Variants in MTUS2 observed in about 807,000 individuals in gnomAD.
MTUS2 encodes the protein microtubule-associated tumor suppressor candidate 2.
In MTUS2, 40 loss-of-function variants were observed where a neutral mutation model predicts 114.1. The observed-to-expected ratio is 0.35, with a 90% CI of 0.27 to 0.46. The LOEUF is 0.46. Ranked by LOEUF, MTUS2 falls within the 20% of genes least tolerant of loss-of-function variation. The pLI is 1.00. For synonymous variants in MTUS2, 688 were observed against 672.0 expected (o/e 1.02, Z -0.37); for missense variants, 1,679 against 1,705.4 (o/e 0.98, Z 0.27).
At chr13:28,842,160 C>T (rs1875552826) in intron 2 of MTUS2, among the ~76,000 whole-genome samples, 1 of 152,026 alleles carries the variant, frequency 6.6e-6, no homozygotes, top group Non-Finnish European at 1.5e-5. Flanking sequence ...AACGACCTCT[C>T]CTCTGCTCCC....
At chr13:29,233,517 G>A (rs149236612) in intron 5 of MTUS2, among the ~76,000 whole-genome samples, 1 of 152,322 alleles carries the variant, frequency 6.6e-6, no homozygotes, top group African/African-American at 2.4e-5. Flanking sequence ...GAAGCACGTA[G>A]CTGAATAGTT....
chr13:28,861,968 A>G (rs1877014218), intron 2 of MTUS2, among the ~76,000 whole-genome samples: 1 of 152,136 alleles, frequency 6.6e-6, no homozygotes, highest in South Asian at 2.1e-4. Context: ...ACTCCCAAAA[A>G]TGTGTGGGAA....
chr13:28,889,441 G>A (rs1219077745), intron 2 of MTUS2, among the ~76,000 whole-genome samples: 1 of 152,146 alleles, frequency 6.6e-6, no homozygotes, highest in Non-Finnish European at 1.5e-5. Flanking sequence ...AGACTTTGGT[G>A]AGCTACCTTG....
intron 8 of MTUS2, among the ~76,000 whole-genome samples, chr13:29,432,502 A>T (rs1877079209): frequency 6.6e-6 from 1 of 152,192 alleles, no homozygotes; most frequent in Admixed American, 6.5e-5. Context: ...CCTGATAAAC[A>T]TGTTATTTCT....
intron 2 of MTUS2, among the ~76,000 whole-genome samples, chr13:28,863,699 A>G (rs1280249471): frequency 6.6e-6 from 1 of 152,140 alleles, no homozygotes; most frequent in African/African-American, 2.4e-5. Context: ...ATATTTTTGT[A>G]TTTAAAAATG....
intron 9 of MTUS2, among the ~76,000 whole-genome samples, chr13:29,443,660 T>G (rs1878066132): frequency 6.6e-6 from 1 of 152,186 alleles, no homozygotes; most frequent in South Asian, 2.1e-4. Context: ...GAGGGGAATG[T>G]GGGGATCAAC....
At chr13:28,902,981 GA>G (rs1284529231) in intron 2 of MTUS2, among the ~76,000 whole-genome samples, 1 of 152,078 alleles carries the variant, frequency 6.6e-6, no homozygotes, top group African/African-American at 2.4e-5. Flanking sequence ...TTTACCTGAT[GA>G]ATTAAACTCT....
At chr13:28,884,198 C>T (rs1368536701) in intron 2 of MTUS2, among the ~76,000 whole-genome samples, 1 of 152,230 alleles carries the variant, frequency 6.6e-6, no homozygotes, top group East Asian at 1.9e-4. Flanking sequence ...GTGGTATATA[C>T]ATATGATGGA....
intron 2 of MTUS2, among the ~76,000 whole-genome samples, chr13:28,911,632 G>A (rs1880437604): frequency 6.6e-6 from 1 of 152,068 alleles, no homozygotes; most frequent in Non-Finnish European, 1.5e-5. Context: ...CAGAGTAAAA[G>A]CTTTCCTTTT....
At chr13:29,171,620 G>A (rs777049831) in intron 5 of MTUS2, among the ~76,000 whole-genome samples, 1 of 152,198 alleles carries the variant, frequency 6.6e-6, no homozygotes, top group Non-Finnish European at 1.5e-5. Flanking sequence ...TTGTCTGCAC[G>A]TGACACAAAA....
At chr13:29,367,385 G>A (rs1333469486) in intron 8 of MTUS2, among the ~76,000 whole-genome samples, 1 of 152,154 alleles carries the variant, frequency 6.6e-6, no homozygotes, top group Non-Finnish European at 1.5e-5. Context: ...TGATGATGGT[G>A]GGGAATGAGG....
intron 5 of MTUS2, among the ~76,000 whole-genome samples, chr13:29,241,459 A>C (rs1220134961): frequency 2.0e-5 from 3 of 152,142 alleles, no homozygotes; most frequent in Non-Finnish European, 4.4e-5. Context: ...AGCATCTAGC[A>C]CAACGCCAGC....
intron 5 of MTUS2, among the ~76,000 whole-genome samples, chr13:29,146,769 A>C (rs1026562962): frequency 6.6e-6 from 1 of 152,324 alleles, no homozygotes; most frequent in East Asian, 1.9e-4. Context: ...TATTAATCCT[A>C]CATAGACCTG....
chr13:29,084,618 A>G (rs1447713296), intron 4 of MTUS2, among the ~76,000 whole-genome samples: 1 of 148,978 alleles, frequency 6.7e-6, no homozygotes, highest in South Asian at 2.1e-4. Flanking sequence ...GCTCACTGCA[A>G]CTTCTGCCTC....
intron 5 of MTUS2, among the ~76,000 whole-genome samples, chr13:29,138,948 C>A (rs1467537468): frequency 6.6e-6 from 1 of 151,740 alleles, no homozygotes; most frequent in Admixed American, 6.6e-5. Flanking sequence ...CATCTCCCAT[C>A]TGCTTTGGAA....
At chr13:29,381,777 A>G (rs118033466) in intron 8 of MTUS2, among the ~76,000 whole-genome samples, 2,309 of 152,252 alleles carry the variant, frequency 0.015, 36 homozygotes, top group Middle Eastern at 0.044. Flanking sequence ...CTCAGCTCTG[A>G]CCCTCATCTG....
intron 2 of MTUS2, among the ~76,000 whole-genome samples, chr13:28,849,538 A>G (rs1041206982): frequency 3.7e-4 from 57 of 152,324 alleles, no homozygotes; most frequent in African/African-American, 1.3e-3. Flanking sequence ...TAGAGGAACT[A>G]GAAACTGAGC....
At chr13:29,257,646 T>C (rs1170525395) in intron 5 of MTUS2, among the ~76,000 whole-genome samples, 1 of 152,194 alleles carries the variant, frequency 6.6e-6, no homozygotes, top group Admixed American at 6.5e-5. Flanking sequence ...AAATAATTTA[T>C]ATCTTAGAAA....
In MTUS2 at chr13:29,074,331, G is replaced by A. The variant is rs539569601; in HGVS notation, c.2447-26442G>A. ...CAGTAACCTATTCCTTGCTTAGTCC[G>A]GGTGGTGCTAGGGATCCCCTCTCCT... is the stretch of plus-strand genomic sequence containing the variant. On this transcript the variant is annotated intron_variant, in intron 4 of 15. Transcript: ENST00000612955. Among the ~76,000 whole-genome samples the A allele has an allele frequency of 1.1e-4, 17 of 152,192 alleles. 1 individual carries two copies. In the South Asian group the frequency reaches 2.9e-3, roughly 26 times the overall value.
Sources: gnomAD v4.1 joint callset for allele counts (sites outside exome capture counted in the v4.1 genomes callset) on GRCh38, gnomAD v4.1.1 for gene constraint, MANE v1.5 for transcripts, NCBI Gene and HGNC (gene_info 2026-07-23, HGNC 2026-07-21) for gene names.